Variants in MARCHF1 observed in about 807,000 individuals in gnomAD.
MARCHF1 encodes the protein E3 ubiquitin-protein ligase MARCHF1.
Under a neutral mutation model 54.2 loss-of-function variants are expected in MARCHF1, and 40 were observed. That is an observed-to-expected ratio of 0.74 (90% CI 0.57 to 0.96). The LOEUF (loss-of-function observed/expected upper bound fraction) is 0.96, where lower values mean the gene tolerates loss of function less well. Ranked by LOEUF, MARCHF1 falls within the 40% of genes least tolerant of loss-of-function variation. The pLI, the probability that MARCHF1 is intolerant of heterozygous loss-of-function variation, is 0.00. For missense variants in MARCHF1, 586 were observed against 656.5 expected (o/e 0.89, Z 1.17); for synonymous variants, 236 against 236.3 (o/e 1.00, Z 0.01).
At chr4:163,695,666 C>T (rs562022987) in intron 5 of MARCHF1, among the ~76,000 whole-genome samples, 1 of 152,254 alleles carries the variant, frequency 6.6e-6, no homozygotes, top group South Asian at 2.1e-4. Context: ...CTGCTTCCTA[C>T]ACACACCAAA....
chr4:164,276,217 T>C (rs1329698549), intron 1 of MARCHF1, among the ~76,000 whole-genome samples: 1 of 152,176 alleles, frequency 6.6e-6, no homozygotes, highest in African/African-American at 2.4e-5. Context: ...ATGTTGAAGT[T>C]TTTATCTTTA....
At chr4:163,566,247 T>A (rs1170803275) in intron 8 of MARCHF1, among the ~76,000 whole-genome samples, 1 of 152,212 alleles carries the variant, frequency 6.6e-6, no homozygotes, top group African/African-American at 2.4e-5. Context: ...TGCGACCCAT[T>A]GGATGTTATC....
intron 1 of MARCHF1, among the ~76,000 whole-genome samples, chr4:164,258,733 G>T (rs1733366170): frequency 6.6e-6 from 1 of 152,034 alleles, no homozygotes; most frequent in Admixed American, 6.6e-5. Context: ...TTATACATAT[G>T]TATTCAAAGA....
intron 7 of MARCHF1, among the ~76,000 whole-genome samples, chr4:163,598,458 G>A (rs1262364855): frequency 6.6e-6 from 1 of 152,220 alleles, no homozygotes; most frequent in East Asian, 1.9e-4. Flanking sequence ...ACATCACAGA[G>A]TGAACATACA....
intron 1 of MARCHF1, among the ~76,000 whole-genome samples, chr4:164,262,034 G>A (rs1188448363): frequency 2.0e-5 from 3 of 151,120 alleles, no homozygotes; most frequent in Non-Finnish European, 4.4e-5. Flanking sequence ...GAGTCCATGA[G>A]GTCAAGGCTG....
chr4:163,766,677 A>G (rs919788845), intron 4 of MARCHF1, among the ~76,000 whole-genome samples: 4 of 152,216 alleles, frequency 2.6e-5, no homozygotes, highest in Non-Finnish European at 5.9e-5. Flanking sequence ...TCAATCACAG[A>G]AAACACAACA....
chr4:164,186,882 A>G (rs1730984173), intron 1 of MARCHF1, among the ~76,000 whole-genome samples: 1 of 152,246 alleles, frequency 6.6e-6, no homozygotes, highest in South Asian at 2.1e-4. Context: ...GAATGTAACC[A>G]AAGACTCTAG....
intron 2 of MARCHF1, among the ~76,000 whole-genome samples, chr4:164,106,510 G>A (rs563519682): frequency 9.9e-4 from 125 of 126,734 alleles, no homozygotes; most frequent in Middle Eastern, 3.9e-3. Flanking sequence ...GTAAACTATC[G>A]CAAGAACAAA....
chr4:164,332,807 G>GAA (rs1375253015), intron 1 of MARCHF1, among the ~76,000 whole-genome samples: 1 of 151,806 alleles, frequency 6.6e-6, no homozygotes, highest in Non-Finnish European at 1.5e-5. Flanking sequence ...AGATGACTTA[G>GAA]AAAAAAACAC....
chr4:164,298,418 C>T (rs181977533), intron 1 of MARCHF1, among the ~76,000 whole-genome samples: 2 of 151,878 alleles, frequency 1.3e-5, no homozygotes, highest in African/African-American at 2.4e-5. Context: ...GTAACGGGTA[C>T]CTTCTACAAA....
At position 164,350,654 on chromosome 4, in the gene MARCHF1, G is replaced by GA. The variant is rs546594389; in HGVS notation, c.-323+33215dup. On this transcript the variant is annotated intron_variant, in intron 1 of 9. Transcript: ENST00000514618. ...TATTTCTTGTCAACTAAAAGAAAAA[G>GA]AAAAAACAATGTGTGCCAATCTAGC... is the stretch of plus-strand genomic sequence containing the variant. Among the ~76,000 whole-genome samples the GA allele has an allele frequency of 1.7e-4, 26 of 152,184 alleles. No individual in the cohort carries two copies. In the South Asian group the frequency reaches 4.8e-3, roughly 28 times the overall value.
intron 8 of MARCHF1, among the ~76,000 whole-genome samples, chr4:163,579,242 A>C (rs77838074): frequency 0.019 from 2,844 of 152,324 alleles, 76 homozygotes; most frequent in African/African-American, 0.063. Context: ...TAATCTATTC[A>C]CACTGCAATA....
chr4:164,310,368 G>T (rs7655856), intron 1 of MARCHF1, among the ~76,000 whole-genome samples: 1 of 151,852 alleles, frequency 6.6e-6, no homozygotes, highest in African/African-American at 2.4e-5. Flanking sequence ...GAGCCACCAC[G>T]CCTGGCCACA....
intron 5 of MARCHF1, among the ~76,000 whole-genome samples, chr4:163,691,487 C>T (rs76837257): frequency 0.03 from 4,569 of 152,138 alleles, 81 homozygotes; most frequent in East Asian, 0.077. Flanking sequence ...GAAATTATGG[C>T]CTGATAAGAG....
At chr4:164,173,273 A>G (rs1389399158) in intron 1 of MARCHF1, among the ~76,000 whole-genome samples, 2 of 150,900 alleles carry the variant, frequency 1.3e-5, no homozygotes, top group Non-Finnish European at 2.9e-5. Context: ...ATGATCAATA[A>G]AATTAACAAT....
intron 3 of MARCHF1, among the ~76,000 whole-genome samples, chr4:163,919,642 C>A (rs1751381622): frequency 6.6e-6 from 1 of 151,920 alleles, no homozygotes; most frequent in South Asian, 2.1e-4. Flanking sequence ...TCATTACACC[C>A]AATTATGTAG....
chr4:163,969,473 T>C (rs7695780), intron 3 of MARCHF1, among the ~76,000 whole-genome samples: 80,838 of 152,092 alleles, frequency 0.53, 23,045 homozygotes, highest in Middle Eastern at 0.68. Flanking sequence ...AGTTGGAACA[T>C]GACAGAACAA....
chr4:164,344,274 CTA>C (rs1043833090), intron 1 of MARCHF1, among the ~76,000 whole-genome samples: 54 of 152,220 alleles, frequency 3.5e-4, no homozygotes, highest in African/African-American at 1.2e-3. Flanking sequence ...GTATCTGGTA[CTA>C]TGTTTATTAC....
chr4:164,089,439 GAAACAA>G (rs1275594457), intron 2 of MARCHF1, among the ~76,000 whole-genome samples: 1 of 151,982 alleles, frequency 6.6e-6, no homozygotes, highest in African/African-American at 2.4e-5. Flanking sequence ...CCTCAAAACA[GAAACAA>G]AAACAAAGGA....
Sources: allele counts gnomAD v4.1 joint callset (sites outside exome capture counted in the v4.1 genomes callset), GRCh38; gene constraint gnomAD v4.1.1; transcripts MANE v1.5; gene names NCBI Gene and HGNC (gene_info 2026-07-23, HGNC 2026-07-21).